CNTN4: variants seen among roughly 807,000 people sequenced by gnomAD.
CNTN4 encodes the protein contactin 4.
Under a neutral mutation model 122.5 loss-of-function variants are expected in CNTN4, and 77 were observed. That is an observed-to-expected ratio of 0.63 (90% CI 0.52 to 0.76). CNTN4 has a LOEUF of 0.76. Ranked by LOEUF, CNTN4 falls within the 30% of genes least tolerant of loss-of-function variation. The pLI is 0.00. For synonymous variants in CNTN4, 512 were observed against 447.0 expected, an observed-to-expected ratio of 1.15 and a Z score of -1.83; for missense variants, 1,256 against 1,259.1, an observed-to-expected ratio of 1.00 and a Z score of 0.04.
intron 13 of CNTN4, among the ~76,000 whole-genome samples, chr3:2,938,982 A>G (rs533673215): frequency 1.3e-5 from 2 of 152,346 alleles, no homozygotes; most frequent in Middle Eastern, 6.8e-3. Flanking sequence ...CCTTCTCAGT[A>G]GAGACAAGGC....
intron 2 of CNTN4, among the ~76,000 whole-genome samples, chr3:2,202,074 G>A (rs1210267193): frequency 6.6e-6 from 1 of 152,066 alleles, no homozygotes; most frequent in Non-Finnish European, 1.5e-5. Context: ...TTGTTAGAAG[G>A]AGACTTTCCT....
intron 2 of CNTN4, among the ~76,000 whole-genome samples, chr3:2,327,048 G>C (rs982023486): frequency 7.9e-5 from 12 of 152,070 alleles, no homozygotes; most frequent in African/African-American, 2.7e-4. Context: ...TGCCTACCCT[G>C]GAGTTCAGTT....
At chr3:2,219,253 C>G (rs2038968703) in intron 2 of CNTN4, among the ~76,000 whole-genome samples, 2 of 152,120 alleles carry the variant, frequency 1.3e-5, no homozygotes. Context: ...TTGGCTATTG[C>G]TTAACACTTT....
chr3:2,802,285 A>G (rs1447334367), intron 6 of CNTN4, among the ~76,000 whole-genome samples: 2 of 152,138 alleles, frequency 1.3e-5, no homozygotes, highest in African/African-American at 4.8e-5. Context: ...TATTTAAGTC[A>G]CCCAACACTT....
At chr3:2,737,813 C>T (rs2089225494) in intron 5 of CNTN4, among the ~76,000 whole-genome samples, 1 of 152,172 alleles carries the variant, frequency 6.6e-6, no homozygotes, top group African/African-American at 2.4e-5. Context: ...AGGGCTACAT[C>T]TTTACAGTAA....
At chr3:2,896,740 G>T (rs1396504921) in intron 10 of CNTN4, among the ~76,000 whole-genome samples, 3 of 152,124 alleles carry the variant, frequency 2.0e-5, no homozygotes, top group Non-Finnish European at 4.4e-5. Flanking sequence ...AAGCATCTAT[G>T]TATATAGGTG....
At chr3:3,039,152 T>C in intron 19 of CNTN4, 149 bp downstream of exon 19, 2 of 718,256 alleles carry the variant, frequency 2.8e-6, no homozygotes, top group Non-Finnish European at 5.0e-6. Context: ...ACGTAGCTAA[T>C]GGCTAGCAGG....
intron 3 of CNTN4, among the ~76,000 whole-genome samples, chr3:2,473,749 A>G (rs1331959028): frequency 6.6e-6 from 1 of 152,164 alleles, no homozygotes; most frequent in East Asian, 1.9e-4. Context: ...GCGGTGGCTC[A>G]TGACTGTAAT....
chr3:2,338,644 C>T (rs2044056713), intron 2 of CNTN4, among the ~76,000 whole-genome samples: 2 of 151,784 alleles, frequency 1.3e-5, no homozygotes, highest in African/African-American at 4.8e-5. Context: ...TTTAGTTCTT[C>T]AGGGAAAAAT....
intron 4 of CNTN4, among the ~76,000 whole-genome samples, chr3:2,629,206 G>A (rs1023980162): frequency 6.6e-6 from 1 of 152,168 alleles, no homozygotes; most frequent in African/African-American, 2.4e-5. Context: ...GACATACACA[G>A]AAAAGGCCCT....
At chr3:2,430,422 CAAAAA>C (rs545639324) in intron 3 of CNTN4, among the ~76,000 whole-genome samples, 10 of 60,194 alleles carry the variant, frequency 1.7e-4, no homozygotes, top group Non-Finnish European at 1.7e-4. Context: ...ACTCTTGTCT[CAAAAA>C]AAAAAAAAAA....
intron 4 of CNTN4, among the ~76,000 whole-genome samples, chr3:2,691,242 C>T (rs1167040337): frequency 6.6e-6 from 1 of 152,086 alleles, no homozygotes; most frequent in Non-Finnish European, 1.5e-5. Flanking sequence ...TCCTTTATTC[C>T]TCATTGATCA....
intron 2 of CNTN4, among the ~76,000 whole-genome samples, chr3:2,181,990 A>C (rs1173041503): frequency 6.6e-6 from 1 of 152,184 alleles, no homozygotes; most frequent in Non-Finnish European, 1.5e-5. Flanking sequence ...TCCAGTAAGC[A>C]CAGTAAATCC....
At chr3:2,298,456 A>T (rs2150050996) in intron 2 of CNTN4, among the ~76,000 whole-genome samples, 1 of 152,186 alleles carries the variant, frequency 6.6e-6, no homozygotes, top group African/African-American at 2.4e-5. Context: ...TCCCAATTGC[A>T]TTCTGTGTAT....
intron 6 of CNTN4, among the ~76,000 whole-genome samples, chr3:2,817,112 C>A (rs1365614001): frequency 1.3e-5 from 2 of 152,168 alleles, no homozygotes; most frequent in African/African-American, 2.4e-5. Flanking sequence ...AGTATCATGT[C>A]CTTTGATTCA....
intron 8 of CNTN4, among the ~76,000 whole-genome samples, chr3:2,875,128 A>G (rs183047753): frequency 6.6e-6 from 1 of 152,026 alleles, no homozygotes; most frequent in South Asian, 2.1e-4. Context: ...GATTACAGGC[A>G]TGTACCACCA....
At chr3:2,165,830 C>T (rs1033264701) in intron 2 of CNTN4, among the ~76,000 whole-genome samples, 19 of 151,922 alleles carry the variant, frequency 1.3e-4, no homozygotes, top group African/African-American at 4.6e-4. Context: ...ATAATAATGT[C>T]CTCTAGGCTC....
At chr3:2,791,108 C>A (rs1004125204) in intron 6 of CNTN4, among the ~76,000 whole-genome samples, 1 of 152,164 alleles carries the variant, frequency 6.6e-6, no homozygotes, top group Non-Finnish European at 1.5e-5. Flanking sequence ...AAGGACAAGC[C>A]ATTTTGACCT....
Position 2,607,964 on chromosome 3 carries a change from C to T in CNTN4, c.55+36406C>T, listed in dbSNP as rs949109772. 2.0e-5 allele frequency among the ~76,000 whole-genome samples: 3 copies of T among 152,136 alleles called. No individual in the cohort carries two copies. The East Asian group carries it at 5.8e-4, about 29-fold the overall frequency. ...CACTTCTGTGGTTTTATGGGTGGCT[C>T]ATAACATCTAGTCACATCATAAAAT... On this transcript the variant is annotated intron_variant, in intron 4 of 24. Transcript: ENST00000418658.
Sources: gnomAD v4.1 joint callset for allele counts (sites outside exome capture counted in the v4.1 genomes callset) on GRCh38, gnomAD v4.1.1 for gene constraint, MANE v1.5 for transcripts, NCBI Gene and HGNC (gene_info 2026-07-23, HGNC 2026-07-21) for gene names.